The following VWDE variants were observed in gnomAD, a reference collection of about 807,000 sequenced individuals.
VWDE encodes von Willebrand factor D and EGF domains.
VWDE carries 207 observed loss-of-function variants against 178.4 expected under a neutral mutation model. The ratio of observed to expected loss-of-function variants is 1.16; its 90% CI spans 1.04 to 1.30. VWDE has a LOEUF of 1.30. Ranked by LOEUF, VWDE falls within the 50% of genes most tolerant of loss-of-function variation. The pLI is 0.00. For missense variants in VWDE, 2,287 were observed against 1,901.3 expected, an observed-to-expected ratio of 1.20 and a Z score of -3.77; for synonymous variants, 738 against 651.4, an observed-to-expected ratio of 1.13 and a Z score of -2.02.
chr7:12,368,133 T>C (rs1353289893), intron 12 of VWDE, among the ~76,000 whole-genome samples: 1 of 151,514 alleles, frequency 6.6e-6, no homozygotes, highest in Admixed American at 6.6e-5. Flanking sequence ...AACAAATGTT[T>C]AGTAATTTTT....
Position 12,369,525 on chromosome 7 carries a change from C to T in VWDE, c.2761+20G>A, listed in dbSNP as rs57112920. The stretch of plus-strand genomic sequence containing the variant: ...ATGAAATATCACATGCAATATCAAA[C>T]TTTGAGAGTACTTACTTACCATAGG... On this transcript the variant is annotated intron_variant, in intron 12 of 28. Coordinates refer to ENST00000275358, the MANE Select transcript of VWDE (RefSeq NM_001135924.3). 4,472 of 1,494,036 alleles carry T rather than the reference C, an allele frequency of 3.0e-3. 110 individuals carry two copies. The African/African-American group carries it at 0.055, about 19-fold the overall frequency. The allele number at this position is 1,494,036 out of a possible 1,614,324, so 92.5% of individuals were successfully genotyped here. A position where few individuals can be genotyped will look rare whatever the true frequency, so the allele number is the denominator to read the frequency against.
At chr7:12,366,064 C>T (rs2128554453) in intron 13 of VWDE, among the ~76,000 whole-genome samples, 1 of 152,134 alleles carries the variant, frequency 6.6e-6, no homozygotes, top group African/African-American at 2.4e-5. Flanking sequence ...CTCTTAACTC[C>T]CTCTCACCTG....
At chr7:12,388,744 A>G in intron 3 of VWDE, 1 of 335,664 alleles carries the variant, frequency 3.0e-6, no homozygotes, top group Non-Finnish European at 6.0e-6. Context: ...AACATTCAAT[A>G]AATATTGGTG....
At chr7:12,403,508 A>C in intron 1 of VWDE, 151 bp downstream of exon 1, 1 of 676,392 alleles carries the variant, frequency 1.5e-6, no homozygotes, top group South Asian at 2.2e-5. Flanking sequence ...CAGCAGAGGG[A>C]CAGAGAGGAG....
At chr7:12,394,671 C>G (rs1163692125) in intron 1 of VWDE, among the ~76,000 whole-genome samples, 1 of 151,994 alleles carries the variant, frequency 6.6e-6, no homozygotes, top group African/African-American at 2.4e-5. Flanking sequence ...TATTTGAATA[C>G]CAGAGTATCT....
At chr7:12,379,272 A>G (rs904543247) in intron 6 of VWDE, among the ~76,000 whole-genome samples, 4 of 152,164 alleles carry the variant, frequency 2.6e-5, no homozygotes, top group Non-Finnish European at 5.9e-5. Context: ...AAATGAAGGT[A>G]CATCTCAACT....
In VWDE at chr7:12,370,028, G is replaced by A. The variant is rs1322400687; in HGVS notation, c.2278C>T (p.Pro760Ser). Residue 760 changes from proline to serine, a missense_variant, in exon 12 of 29, where the codon CCT becomes TCT. Coordinates refer to ENST00000275358, the MANE Select transcript of VWDE (RefSeq NM_001135924.3). ...CTGAGACTCGGGAAAGCAAACAAAG[G>A]AGGAAACTCATGAAAGTTCTGCCGT... ...WKRQNFHEFP[P>S]LFAFPSLSQT... 6 of 1,551,490 alleles carry A rather than the reference G, an allele frequency of 3.9e-6. No homozygotes were observed. Among genetic ancestry groups the A allele is most frequent in the Middle Eastern group, 1.7e-4 (1 of 5,990 alleles).
chr7:12,361,351 C>A lies in VWDE; in HGVS notation c.3054+15G>T, dbSNP rs552474750. 1.3e-6 allele frequency: 2 copies of A among 1,545,018 alleles called. No homozygotes were observed. The highest frequency in any genetic ancestry group is 1.7e-6 in the Non-Finnish European group (2 of 1,144,552). Reference sequence around the variant, plus strand: ...ACTTTGTTTATAAATATGAAGATGTCTTTTTATTTTTTACCTTCAACTGCC... The same window carrying A: ...ACTTTGTTTATAAATATGAAGATGTATTTTTATTTTTTACCTTCAACTGCC... On this transcript the variant is annotated intron_variant, in intron 14 of 28. Coordinates refer to ENST00000275358, the MANE Select transcript of VWDE (RefSeq NM_001135924.3).
At chr7:12,392,316 T>C (rs932057470) in intron 2 of VWDE, among the ~76,000 whole-genome samples, 1 of 152,222 alleles carries the variant, frequency 6.6e-6, no homozygotes, top group Non-Finnish European at 1.5e-5. Context: ...CTTCTTACCA[T>C]TTTGATCATA....
At chr7:12,388,727 CAGGATAA>C in intron 3 of VWDE, 1 of 299,344 alleles carries the variant, frequency 3.3e-6, no homozygotes, top group Non-Finnish European at 6.7e-6. Context: ...ATTTCTGGCA[CAGGATAA>C]ACATTCAATA....
intron 10 of VWDE, among the ~76,000 whole-genome samples, chr7:12,372,500 T>C (rs941314240): frequency 6.6e-6 from 1 of 152,030 alleles, no homozygotes; most frequent in Non-Finnish European, 1.5e-5. Context: ...AGATATGAAG[T>C]ATAATCTTTA....
chr7:12,396,399 C>T (rs1446705770), intron 1 of VWDE, among the ~76,000 whole-genome samples: 1 of 152,090 alleles, frequency 6.6e-6, no homozygotes, highest in Non-Finnish European at 1.5e-5. Flanking sequence ...ACTGAGTTTG[C>T]AATTATAAAA....
Position 12,377,875 on chromosome 7 carries a change from A to G in VWDE, c.925T>C (p.Tyr309His). Reference sequence around the variant, plus strand: ...GGAACTGTGCTTTCTATCCTCAGGTAGTATTCTTTCCCATCCTCTGATATA... The same window carrying G: ...GGAACTGTGCTTTCTATCCTCAGGTGGTATTCTTTCCCATCCTCTGATATA... ...STISEDGKEY[Y>H]LRIESTVPII... The change falls in exon 7 of 29, where the codon TAC becomes CAC. Residue 309 changes from tyrosine (Y) to histidine (H), a missense_variant. Physicochemically the swap from Tyr to His is moderately conservative, Grantham distance 83. Transcript: ENST00000275358. 2 of 1,524,066 alleles carry G rather than the reference A, an allele frequency of 1.3e-6. No individual in the cohort carries two copies. The highest frequency in any genetic ancestry group is 2.6e-5 in the South Asian group (2 of 76,776). The allele number at this position is 1,524,066 out of a possible 1,614,324, so 94.4% of individuals were successfully genotyped here. A position where few individuals can be genotyped will look rare whatever the true frequency, so the allele number is the denominator to read the frequency against.
In VWDE at chr7:12,369,898, TC is replaced by T; in HGVS notation, c.2407del (p.Glu803SerfsTer5). 1 of 1,551,436 alleles carries T rather than the reference TC, an allele frequency of 6.4e-7. No homozygotes were observed. The highest frequency in any genetic ancestry group is 2.4e-5 in the East Asian group (1 of 40,882). ...PSWPTPSGLT[E>X]YSTLTLCQET... ...CTGACAGAGGGTCAAGGTGCTATAC[TC>T]GGTGAGGCCAGAGGGAGTGGGCCAA... On this transcript the variant is annotated frameshift_variant, in exon 12 of 29. Transcript: ENST00000275358. LOFTEE classifies it high-confidence loss of function.
At chr7:12,369,477 T>C in intron 12 of VWDE, 68 bp downstream of exon 12, 1 of 1,449,174 alleles carries the variant, frequency 6.9e-7, no homozygotes, top group South Asian at 1.5e-5. Flanking sequence ...GAGGGTGAAA[T>C]AAAGATCAAA....
intron 1 of VWDE, among the ~76,000 whole-genome samples, chr7:12,400,867 C>G (rs1416362335): frequency 2.6e-5 from 4 of 152,148 alleles, no homozygotes; most frequent in Non-Finnish European, 5.9e-5. Context: ...AAATTATGAC[C>G]AAGTGAGATT....
chr7:12,389,876 A>G (rs988985134), intron 2 of VWDE, among the ~76,000 whole-genome samples: 2 of 152,200 alleles, frequency 1.3e-5, no homozygotes, highest in Non-Finnish European at 2.9e-5. Context: ...GAAATAATAC[A>G]GTTTGGTGGG....
intron 19 of VWDE, among the ~76,000 whole-genome samples, chr7:12,349,235 TAATAAATA>T (rs372504783): frequency 7.7e-6 from 1 of 130,016 alleles, no homozygotes; most frequent in Non-Finnish European, 1.7e-5. Flanking sequence ...ATAATCATAA[TAATAAATA>T]AATAAATAAA....
intron 1 of VWDE, among the ~76,000 whole-genome samples, chr7:12,398,752 T>G (rs927045596): frequency 1.3e-5 from 2 of 152,130 alleles, no homozygotes; most frequent in African/African-American, 4.8e-5. Flanking sequence ...GCAACATGGA[T>G]GCAAACGGAG....
Sources: allele counts gnomAD v4.1 joint callset (sites outside exome capture counted in the v4.1 genomes callset), GRCh38; gene constraint gnomAD v4.1.1; transcripts MANE v1.5; gene names NCBI Gene and HGNC (gene_info 2026-07-23, HGNC 2026-07-21).